Variants in PPFIBP1 observed in about 807,000 individuals in gnomAD.
PPFIBP1 encodes the protein liprin-beta-1.
Under a neutral mutation model 137.8 loss-of-function variants are expected in PPFIBP1, and 112 were observed. The observed-to-expected ratio is 0.81, with a 90% CI of 0.70 to 0.95. The LOEUF (loss-of-function observed/expected upper bound fraction) is 0.95. PPFIBP1 is among the 40% of genes least tolerant of loss of function. The pLI, the probability that PPFIBP1 is intolerant of heterozygous loss-of-function variation, is 0.00. For synonymous variants in PPFIBP1, 378 were observed against 417.3 expected (o/e 0.91, Z 1.15); for missense variants, 1,083 against 1,196.6 (o/e 0.91, Z 1.40).
rs145947456 is a variant in PPFIBP1 at position 27,571,409 on chromosome 12, A to G, written c.-123-6743A>G. Reference sequence around the variant, plus strand: ...TTGCCAATTTACCCACCGAAAAAGCATGTATCAATCTGGTCCGTGGTAAAA... The same window carrying G: ...TTGCCAATTTACCCACCGAAAAAGCGTGTATCAATCTGGTCCGTGGTAAAA... On this transcript the variant is annotated intron_variant, in intron 1 of 29. Coordinates refer to ENST00000228425, the MANE Select transcript of PPFIBP1 (RefSeq NM_003622.4). Among the ~76,000 whole-genome samples, 13 of 152,318 alleles carry G rather than the reference A, an allele frequency of 8.5e-5. 1 individual carries two copies. The East Asian group carries it at 2.5e-3, about 29-fold the overall frequency.
At chr12:27,604,994 C>G (rs1384790718) in intron 2 of PPFIBP1, among the ~76,000 whole-genome samples, 1 of 152,138 alleles carries the variant, frequency 6.6e-6, no homozygotes, top group African/African-American at 2.4e-5. Context: ...ATCACAAGAA[C>G]AGCATGGGAA....
chr12:27,639,152 G>A (rs2057918639), intron 4 of PPFIBP1, among the ~76,000 whole-genome samples: 1 of 152,154 alleles, frequency 6.6e-6, no homozygotes, highest in African/African-American at 2.4e-5. Flanking sequence ...GAATTTATTA[G>A]TGTAGCTCTA....
At chr12:27,640,819 A>G (rs994641160) in intron 4 of PPFIBP1, among the ~76,000 whole-genome samples, 39 of 152,156 alleles carry the variant, frequency 2.6e-4, no homozygotes, top group Admixed American at 2.4e-3. Flanking sequence ...TCTTATCTCA[A>G]TCTCTCCTCA....
chr12:27,676,321 T>C (rs187189076), intron 17 of PPFIBP1, 107 bp from the exon 18 acceptor site: 5 of 864,558 alleles, frequency 5.8e-6, no homozygotes, highest in Non-Finnish European at 8.1e-6. Context: ...AGTTATTCTT[T>C]TGAATAAACT....
chr12:27,683,640 T>C (rs2061014545), intron 24 of PPFIBP1, among the ~76,000 whole-genome samples: 1 of 152,234 alleles, frequency 6.6e-6, no homozygotes, highest in Non-Finnish European at 1.5e-5. Flanking sequence ...TGTACATTTC[T>C]AGCCCTCCAG....
chr12:27,555,458 G>A (rs544987547), intron 1 of PPFIBP1, among the ~76,000 whole-genome samples: 31 of 152,194 alleles, frequency 2.0e-4, no homozygotes, highest in Admixed American at 7.9e-4. Flanking sequence ...TCACTCGAGC[G>A]GGCTAAATAA....
chr12:27,654,944 T>TC (rs2059104089), intron 8 of PPFIBP1, 130 bp downstream of exon 8: 3 of 1,403,740 alleles, frequency 2.1e-6, no homozygotes, highest in African/African-American at 1.5e-5. Context: ...AATGAAGATT[T>TC]CCCCCCAAGC....
chr12:27,539,390 A>T (rs1326534264), intron 1 of PPFIBP1, among the ~76,000 whole-genome samples: 6 of 152,152 alleles, frequency 3.9e-5, no homozygotes, highest in Non-Finnish European at 8.8e-5. Flanking sequence ...AGTTTTTAGG[A>T]TATTCCTGGT....
At chr12:27,573,294 C>T (rs114177818) in intron 1 of PPFIBP1, among the ~76,000 whole-genome samples, 57 of 152,136 alleles carry the variant, frequency 3.7e-4, no homozygotes, top group African/African-American at 1.3e-3. Flanking sequence ...GAAATAGTAA[C>T]GGGTGTTGGC....
chr12:27,557,531 C>T (rs2048802121), intron 1 of PPFIBP1, among the ~76,000 whole-genome samples: 1 of 152,152 alleles, frequency 6.6e-6, no homozygotes, highest in East Asian at 1.9e-4. Flanking sequence ...CCACGCCCGG[C>T]TACATCATGG....
intron 2 of PPFIBP1, among the ~76,000 whole-genome samples, chr12:27,607,452 A>C (rs2137996712): frequency 6.6e-6 from 1 of 152,330 alleles, no homozygotes; most frequent in Non-Finnish European, 1.5e-5. Flanking sequence ...TAAGAAGCAG[A>C]TGTGAAAGAA....
chr12:27,607,702 AGAT>A (rs2054668511), intron 2 of PPFIBP1, among the ~76,000 whole-genome samples: 1 of 152,176 alleles, frequency 6.6e-6, no homozygotes, highest in Non-Finnish European at 1.5e-5. Context: ...AAAAATCCAT[AGAT>A]GATGATGACG....
At chr12:27,673,237 G>A (rs2060308994) in intron 15 of PPFIBP1, among the ~76,000 whole-genome samples, 1 of 152,032 alleles carries the variant, frequency 6.6e-6, no homozygotes, top group Non-Finnish European at 1.5e-5. Context: ...GTGTCTCTTT[G>A]CCTTCACTAG....
intron 1 of PPFIBP1, among the ~76,000 whole-genome samples, chr12:27,545,543 G>T (rs556737849): frequency 1.3e-5 from 2 of 152,270 alleles, no homozygotes; most frequent in African/African-American, 2.4e-5. Context: ...TTGCTGGCTG[G>T]TTGGCTCAGG....
chr12:27,643,643 G>T (rs1315811618), intron 4 of PPFIBP1, among the ~76,000 whole-genome samples: 1 of 72,496 alleles, frequency 1.4e-5, no homozygotes, highest in Non-Finnish European at 2.5e-5. Flanking sequence ...TGACCTGGTA[G>T]GTAGAACGTG....
At chr12:27,583,877 A>T (rs2051397528) in intron 2 of PPFIBP1, among the ~76,000 whole-genome samples, 1 of 152,170 alleles carries the variant, frequency 6.6e-6, no homozygotes, top group Non-Finnish European at 1.5e-5. Flanking sequence ...TTGTGGCCCC[A>T]CTGAATTCAC....
At chr12:27,661,027 C>G in intron 11 of PPFIBP1, 82 bp downstream of exon 11, 1 of 1,554,174 alleles carries the variant, frequency 6.4e-7, no homozygotes, top group Non-Finnish European at 8.7e-7. Flanking sequence ...TGAGCTATGC[C>G]ATTTTAAAAG....
intron 2 of PPFIBP1, chr12:27,592,741 C>T: frequency 1.0e-6 from 1 of 962,148 alleles, no homozygotes. Flanking sequence ...AGTTGCCTGG[C>T]TTATCATCTG....
intron 2 of PPFIBP1, among the ~76,000 whole-genome samples, chr12:27,601,776 C>T (rs1160217558): frequency 6.6e-6 from 1 of 152,158 alleles, no homozygotes; most frequent in East Asian, 1.9e-4. Context: ...TCTAGCACGG[C>T]CATGAACACA....
Sources: allele counts gnomAD v4.1 joint callset (sites outside exome capture counted in the v4.1 genomes callset), GRCh38; gene constraint gnomAD v4.1.1; transcripts MANE v1.5; gene names NCBI Gene and HGNC (gene_info 2026-07-23, HGNC 2026-07-21).